Variants in LGMN observed in about 807,000 individuals in gnomAD.
The protein encoded by LGMN is asparaginyl endopeptidase.
LGMN carries 36 observed loss-of-function variants against 56.8 expected under a neutral mutation model. The observed-to-expected ratio is 0.63, with a 90% confidence interval of 0.49 to 0.84. The LOEUF is 0.84. Ranked by LOEUF, LGMN falls within the 40% of genes least tolerant of loss-of-function variation. LGMN has a pLI of 0.00. For synonymous variants in LGMN, 199 were observed against 210.1 expected, an observed-to-expected ratio of 0.95 and a Z score of 0.46; for missense variants, 446 against 556.1, an observed-to-expected ratio of 0.80 and a Z score of 1.99.
At chr14:92,713,738 G>T in intron 7 of LGMN, 85 bp downstream of exon 7, 1 of 910,160 alleles carries the variant, frequency 1.1e-6, no homozygotes, top group Non-Finnish European at 1.9e-6. Flanking sequence ...CACAGTTGGA[G>T]GACGGTCACG....
chr14:92,717,879 G>A (rs549754278), intron 3 of LGMN, among the ~76,000 whole-genome samples: 1 of 152,346 alleles, frequency 6.6e-6, no homozygotes, highest in South Asian at 2.1e-4. Flanking sequence ...TGTATGAGCT[G>A]AGAATGTGAC....
chr14:92,726,743 C>T (rs914027693), intron 2 of LGMN, among the ~76,000 whole-genome samples: 4 of 152,186 alleles, frequency 2.6e-5, no homozygotes, highest in African/African-American at 7.2e-5. Flanking sequence ...CTGGGCCATG[C>T]ACTGTCCTTG....
chr14:92,710,804 C>T (rs1566916857), intron 10 of LGMN, among the ~76,000 whole-genome samples: 1 of 152,178 alleles, frequency 6.6e-6, no homozygotes, highest in South Asian at 2.1e-4. Context: ...TTTCCCTGGC[C>T]GTCCCTCTGC....
Position 92,725,471 on chromosome 14 carries a change from G to A in LGMN, c.139-6627C>T, listed in dbSNP as rs865852991. Among the ~76,000 whole-genome samples, 82 of 152,206 alleles carry A rather than the reference G, an allele frequency of 5.4e-4. 1 individual carries two copies. Among genetic ancestry groups the A allele is most frequent in the African/African-American group, 1.8e-3 (73 of 41,454 alleles). On this transcript the variant is annotated intron_variant, in intron 2 of 13. Transcript: ENST00000334869. The stretch of plus-strand genomic sequence containing the variant: ...ACTCAAGAGGATCCCTCGAGCCCAG[G>A]AGTTTGAGGTTGCAGTGAGCTATGA...
In LGMN at chr14:92,732,006, G is replaced by C. The variant is rs75022322; in HGVS notation, c.138+643C>G. On this transcript the variant is annotated intron_variant, in intron 2 of 13. Coordinates refer to ENST00000334869, the MANE Select transcript of LGMN (RefSeq NM_005606.7). ...TGATGTGGGGAAATCCAGGAAAGAT[G>C]GGGGAGGAGGGTGTGAAGAGAGAGC... is the stretch of plus-strand genomic sequence containing the variant. Among the ~76,000 whole-genome samples the C allele has an allele frequency of 7.1e-3, 1,082 of 152,220 alleles. 16 individuals carry two copies. Among genetic ancestry groups the C allele is most frequent in the Non-Finnish European group, 8.1e-3 (551 of 68,022 alleles).
chr14:92,728,068 G>A (rs769753058), intron 2 of LGMN, among the ~76,000 whole-genome samples: 3 of 152,168 alleles, frequency 2.0e-5, no homozygotes, highest in Non-Finnish European at 2.9e-5. Flanking sequence ...GATGCTTCAC[G>A]AGGTGATTTT....
At chr14:92,744,165 A>G (rs186615662) in intron 1 of LGMN, among the ~76,000 whole-genome samples, 208 of 152,276 alleles carry the variant, frequency 1.4e-3, no homozygotes, top group Middle Eastern at 3.4e-3. Flanking sequence ...AAAGAAAAAA[A>G]AAAAGAAAAA....
chr14:92,714,579 G>T lies in LGMN; in HGVS notation c.405-128C>A. 2 of 656,408 alleles carry T rather than the reference G, an allele frequency of 3.0e-6. No individual in the cohort carries two copies. The highest frequency in any genetic ancestry group is 1.9e-5 in the South Asian group (1 of 52,082). 40.7% of individuals were successfully genotyped at this position (656,408 alleles called of 1,614,324 possible). A position where few individuals can be genotyped will look rare whatever the true frequency, so the allele number is the denominator to read the frequency against. Reference sequence around the variant, plus strand: ...GAGTTGCCCAACCAGGTTTGAAGATGAACACAAGGGCCCGGTGCCCGGTGT... The same window carrying T: ...GAGTTGCCCAACCAGGTTTGAAGATTAACACAAGGGCCCGGTGCCCGGTGT... On this transcript the variant is annotated intron_variant, in intron 5 of 13. Coordinates refer to ENST00000334869, the MANE Select transcript of LGMN (RefSeq NM_005606.7). The surrounding 1 kb of genome is among the most constrained non-coding windows in gnomAD (Gnocchi z 5.1).
rs2236264 is a variant in LGMN, at chr14:92,732,735, C to T, written c.52G>A (p.Val18Ile). 0.18 allele frequency: 294,781 copies of T among 1,613,640 alleles called. 28,202 individuals are homozygous for T. The highest frequency in any genetic ancestry group is 0.29 in the African/African-American group (21,946 of 74,924). The change falls in exon 2 of 14, where the codon GTT becomes ATT. Residue 18 changes from valine to isoleucine, a missense_variant. Physicochemically the swap from Val to Ile is conservative, Grantham distance 29. Coordinates refer to ENST00000334869, the MANE Select transcript of LGMN (RefSeq NM_005606.7). Reference sequence around the variant, plus strand: ...CCATCTTCAGGATCATCTATAGGAACGGCACCAATGCCCAGGGCCACACTG... The same window carrying T: ...CCATCTTCAGGATCATCTATAGGAATGGCACCAATGCCCAGGGCCACACTG... The part of the protein sequence containing the change: ...FLSVALGIGA[V>I]PIDDPEDGGK...
chr14:92,746,960 T>C (rs1028503975), intron 1 of LGMN, among the ~76,000 whole-genome samples: 3 of 138,842 alleles, frequency 2.2e-5, no homozygotes, highest in Non-Finnish European at 3.0e-5. Context: ...GGCGTGGACC[T>C]GGGAGGCGGA....
chr14:92,711,041 C>T (rs887300928), intron 10 of LGMN, among the ~76,000 whole-genome samples: 1 of 152,212 alleles, frequency 6.6e-6, no homozygotes, highest in African/African-American at 2.4e-5. Flanking sequence ...TTGGGAGGCC[C>T]TGCACATTTG....
intron 11 of LGMN, among the ~76,000 whole-genome samples, chr14:92,707,462 G>T (rs1889496819): frequency 6.6e-6 from 1 of 152,124 alleles, no homozygotes; most frequent in Non-Finnish European, 1.5e-5. Context: ...TCTTTACAAG[G>T]CTGGATTTTC....
chr14:92,724,647 C>T (rs941951622), intron 2 of LGMN, among the ~76,000 whole-genome samples: 4 of 152,314 alleles, frequency 2.6e-5, no homozygotes, highest in African/African-American at 4.8e-5. Flanking sequence ...TTCTAAGAGG[C>T]GCAGAGCCCT....
At chr14:92,713,527 A>G (rs1386570344) in intron 7 of LGMN, among the ~76,000 whole-genome samples, 1 of 152,232 alleles carries the variant, frequency 6.6e-6, no homozygotes, top group Non-Finnish European at 1.5e-5. Context: ...TGTGGGCCGA[A>G]GACCAGCAGC....
chr14:92,709,143 T>C (rs1223675435), intron 11 of LGMN, among the ~76,000 whole-genome samples: 1 of 151,774 alleles, frequency 6.6e-6, no homozygotes, highest in Non-Finnish European at 1.5e-5. Context: ...TATGTTTTTC[T>C]GAGAACAGCA....
intron 11 of LGMN, among the ~76,000 whole-genome samples, chr14:92,707,484 CA>C (rs1889498091): frequency 6.6e-6 from 1 of 152,176 alleles, no homozygotes; most frequent in African/African-American, 2.4e-5. Flanking sequence ...TCTTACACTT[CA>C]GCCGAAAGAA....
rs55843490 is a variant in LGMN at position 92,729,127 on chromosome 14, CTTTTTTTTTTT to C, written c.138+3511_138+3521del. ...GGCCACTTCCACCTGCTCAGCTTTT[CTTTTTTTTTTT>C]TTTTTTTTTTGTTCGTTCTGGGATT... On this transcript the variant is annotated intron_variant, in intron 2 of 13. Coordinates refer to ENST00000334869, the MANE Select transcript of LGMN (RefSeq NM_005606.7). Among the ~76,000 whole-genome samples, 207 of 110,110 alleles carry C rather than the reference CTTTTTTTTTTT, an allele frequency of 1.9e-3. 1 individual carries two copies. Among genetic ancestry groups the C allele is most frequent in the Non-Finnish European group, 3.2e-3 (176 of 55,602 alleles). The allele number at this position is 110,110 out of a possible 152,430, so 72.2% of individuals were successfully genotyped here. A position where few individuals can be genotyped will look rare whatever the true frequency, so the allele number is the denominator to read the frequency against.
intron 2 of LGMN, among the ~76,000 whole-genome samples, chr14:92,720,752 CTACAT>C (rs199684762): frequency 3.3e-5 from 5 of 152,252 alleles, no homozygotes; most frequent in East Asian, 1.9e-4. Flanking sequence ...GAAGCCTGCA[CTACAT>C]TACATTACAT....
At chr14:92,717,146 G>A (rs942871557) in intron 4 of LGMN, among the ~76,000 whole-genome samples, 1 of 152,184 alleles carries the variant, frequency 6.6e-6, no homozygotes, top group Non-Finnish European at 1.5e-5. Context: ...CCTAAAGTAT[G>A]AGAAGACTGG....
Sources: gnomAD v4.1 joint callset for allele counts (sites outside exome capture counted in the v4.1 genomes callset) on GRCh38, gnomAD v4.1.1 for gene constraint, Gnocchi (gnomAD v3.1) non-coding constraint, MANE v1.5 for transcripts, NCBI Gene and HGNC (gene_info 2026-07-23, HGNC 2026-07-21) for gene names.